TMEM232: variants seen among roughly 807,000 people sequenced by gnomAD.
The protein encoded by TMEM232 is transmembrane protein 232.
In TMEM232, 80 loss-of-function variants were observed where a neutral mutation model predicts 78.8. The ratio of observed to expected loss-of-function variants is 1.01; its 90% CI spans 0.85 to 1.22. TMEM232 has a LOEUF of 1.22. TMEM232 is among the 50% of genes most tolerant of loss of function. The pLI is 0.00. For synonymous variants in TMEM232, 297 were observed against 254.3 expected, an observed-to-expected ratio of 1.17 and a Z score of -1.60; for missense variants, 881 against 742.2, an observed-to-expected ratio of 1.19 and a Z score of -2.17.
At chr5:110,534,449 T>A (rs879202608) in intron 11 of TMEM232, among the ~76,000 whole-genome samples, 2 of 152,220 alleles carry the variant, frequency 1.3e-5, no homozygotes, top group African/African-American at 4.8e-5. Context: ...AGGCCTGTCC[T>A]CAGAATGCTA....
intron 12 of TMEM232, among the ~76,000 whole-genome samples, chr5:110,432,203 A>T (rs1283976350): frequency 6.6e-6 from 1 of 151,648 alleles, no homozygotes; most frequent in Admixed American, 6.6e-5. Context: ...AAAGTCAATA[A>T]GAAAGAAAAA....
intron 11 of TMEM232, among the ~76,000 whole-genome samples, chr5:110,540,711 A>T (rs1020954585): frequency 1.3e-5 from 2 of 152,200 alleles, no homozygotes; most frequent in Non-Finnish European, 2.9e-5. Context: ...CTGGCACATT[A>T]GCACAAAAGG....
At chr5:110,738,121 T>TAGAG (rs1251923317), upstream of TMEM232, 12 of 873,642 alleles carry the variant, frequency 1.4e-5, no homozygotes, top group Admixed American at 4.3e-4. Flanking sequence ...GTCAGAGTTC[T>TAGAG]CTTGGAAAAG....
chr5:110,585,878 A>G (rs1337078752), intron 10 of TMEM232, among the ~76,000 whole-genome samples: 2 of 152,160 alleles, frequency 1.3e-5, no homozygotes, highest in African/African-American at 4.8e-5. Flanking sequence ...TGCAAACAAA[A>G]AAGGCAAAAG....
intron 12 of TMEM232, among the ~76,000 whole-genome samples, chr5:110,505,302 T>C (rs1266341865): frequency 6.6e-6 from 1 of 152,136 alleles, no homozygotes; most frequent in Non-Finnish European, 1.5e-5. Context: ...TCTACTACTG[T>C]ATGTGTTTGG....
At chr5:110,574,823 T>C (rs1214178653) in intron 10 of TMEM232, among the ~76,000 whole-genome samples, 2 of 152,244 alleles carry the variant, frequency 1.3e-5, no homozygotes, top group East Asian at 3.9e-4. Flanking sequence ...CTTTGGCTGA[T>C]TTTAATTTAT....
upstream of TMEM232, among the ~76,000 whole-genome samples, chr5:110,728,210 C>T (rs1417516111): frequency 6.6e-6 from 1 of 151,564 alleles, no homozygotes. Context: ...AGGAAGAATT[C>T]ACAAATACAT....
At chr5:110,693,847 C>A (rs1421045516) in intron 1 of TMEM232, among the ~76,000 whole-genome samples, 1 of 152,036 alleles carries the variant, frequency 6.6e-6, no homozygotes, top group African/African-American at 2.4e-5. Context: ...CTGAAAGTGA[C>A]GGGGAGAATG....
chr5:110,604,982 C>G (rs1781363930), intron 10 of TMEM232, 127 bp downstream of exon 10: 1 of 1,163,192 alleles, frequency 8.6e-7, no homozygotes, highest in East Asian at 2.7e-5. Context: ...TATATTCTTC[C>G]AAAATTTGTA....
At chr5:110,405,875 T>C (rs1275065909) in intron 2 of TMEM232, among the ~76,000 whole-genome samples, 1 of 151,750 alleles carries the variant, frequency 6.6e-6, no homozygotes, top group Admixed American at 6.6e-5. Context: ...CAACCAAAAT[T>C]TATATTTTAC....
At chr5:110,517,504 C>T (rs1314828817) in intron 12 of TMEM232, among the ~76,000 whole-genome samples, 3 of 152,176 alleles carry the variant, frequency 2.0e-5, no homozygotes, top group South Asian at 2.1e-4. Flanking sequence ...TCTAGGCTTG[C>T]CTTGTTGTCA....
At chr5:110,477,192 G>T (rs530862461) in intron 12 of TMEM232, among the ~76,000 whole-genome samples, 50 of 152,018 alleles carry the variant, frequency 3.3e-4, no homozygotes, top group African/African-American at 1.1e-3. Context: ...AACTTCTACA[G>T]AAAATAGAAA....
chr5:110,631,646 A>T (rs1262190564), intron 5 of TMEM232, among the ~76,000 whole-genome samples: 1 of 152,176 alleles, frequency 6.6e-6, no homozygotes, highest in African/African-American at 2.4e-5. Context: ...GACTACCATG[A>T]TCAAGCTCAT....
At chr5:110,686,800 A>C (rs1793469918) in intron 1 of TMEM232, among the ~76,000 whole-genome samples, 1 of 152,164 alleles carries the variant, frequency 6.6e-6, no homozygotes, top group South Asian at 2.1e-4. Flanking sequence ...AAAATAAAAG[A>C]ACATAAAAGT....
Position 110,501,762 on chromosome 5 carries a change from T to C in TMEM232, c.1703+26826A>G, listed in dbSNP as rs376260416. Among the ~76,000 whole-genome samples, 12 of 152,232 alleles carry C rather than the reference T, an allele frequency of 7.9e-5. No homozygotes were observed. In the East Asian group the frequency reaches 2.1e-3, roughly 27 times the overall value. ...CACTATGGAAATAACCCCTAAGACATTTTAAACAAATACCTCAAAAATCAC... is the reference window on the plus strand; with the variant it reads ...CACTATGGAAATAACCCCTAAGACACTTTAAACAAATACCTCAAAAATCAC... On this transcript the variant is annotated intron_variant, in intron 12 of 13. Transcript: ENST00000455884.
intron 11 of TMEM232, among the ~76,000 whole-genome samples, chr5:110,567,970 C>A (rs1364736132): frequency 1.3e-5 from 2 of 152,114 alleles, no homozygotes; most frequent in Non-Finnish European, 2.9e-5. Flanking sequence ...AGTGAAAGTG[C>A]CCCTATGCAG....
intron 11 of TMEM232, among the ~76,000 whole-genome samples, chr5:110,565,971 A>G (rs1345808858): frequency 2.6e-5 from 4 of 151,908 alleles, no homozygotes; most frequent in African/African-American, 7.2e-5. Context: ...ATATTAGCAT[A>G]CAGTTGTAAA....
intron 8 of TMEM232, among the ~76,000 whole-genome samples, chr5:110,608,289 T>C (rs1781755282): frequency 6.6e-6 from 1 of 151,992 alleles, no homozygotes; most frequent in Non-Finnish European, 1.5e-5. Flanking sequence ...GAATGCTAAA[T>C]TGAATTCCAA....
At position 110,532,720 on chromosome 5, in the gene TMEM232, C is replaced by A. The variant is rs140465316; in HGVS notation, c.1456-3885G>T. 5.4e-3 allele frequency among the ~76,000 whole-genome samples: 819 copies of A among 152,182 alleles called. 2 individuals are homozygous for A. The highest frequency in any genetic ancestry group is 9.1e-3 in the Non-Finnish European group (618 of 68,010). Reference sequence around the variant, plus strand: ...TTTGCATCCTCCTCTTGTATCCCCCCACCTTAACACACAAGTATAAGATAA... The same window carrying A: ...TTTGCATCCTCCTCTTGTATCCCCCAACCTTAACACACAAGTATAAGATAA... On this transcript the variant is annotated intron_variant, in intron 11 of 13. Coordinates refer to ENST00000455884, the MANE Select transcript of TMEM232 (RefSeq NM_001039763.4).
Sources: gnomAD v4.1 joint callset for allele counts (sites outside exome capture counted in the v4.1 genomes callset) on GRCh38, gnomAD v4.1.1 for gene constraint, MANE v1.5 for transcripts, NCBI Gene and HGNC (gene_info 2026-07-23, HGNC 2026-07-21) for gene names.